LRRC4C: variants seen among roughly 807,000 people sequenced by gnomAD.
The protein encoded by LRRC4C is leucine-rich repeat-containing protein 4C.
A neutral mutation model predicts 33.6 loss-of-function variants in LRRC4C; 5 were observed. That is an observed-to-expected ratio of 0.15 (90% CI 0.08 to 0.31). The LOEUF is 0.31. Among genes scored for constraint, LRRC4C ranks in the 10% least tolerant of loss-of-function variants. The pLI is 1.00. For synonymous variants in LRRC4C, 329 were observed against 302.0 expected, an observed-to-expected ratio of 1.09 and a Z score of -0.93; for missense variants, 560 against 796.7, an observed-to-expected ratio of 0.70 and a Z score of 3.58.
At chr11:40,903,551 C>A (rs910725109) in intron 2 of LRRC4C, among the ~76,000 whole-genome samples, 12 of 152,016 alleles carry the variant, frequency 7.9e-5, no homozygotes, top group Admixed American at 3.3e-4. Flanking sequence ...ATTTTAGAAC[C>A]TTTTGAAAAG....
intron 1 of LRRC4C, among the ~76,000 whole-genome samples, chr11:41,112,355 G>C (rs1941881948): frequency 6.6e-6 from 1 of 152,066 alleles, no homozygotes; most frequent in African/African-American, 2.4e-5. Flanking sequence ...GCCCAAGATA[G>C]GAAAGCTCAG....
intron 3 of LRRC4C, among the ~76,000 whole-genome samples, chr11:40,536,028 A>T (rs531112980): frequency 6.6e-6 from 1 of 152,298 alleles, no homozygotes; most frequent in East Asian, 1.9e-4. Context: ...TGTAAGGCCC[A>T]TTATTATATG....
chr11:40,718,476 G>T (rs954834224), intron 2 of LRRC4C, among the ~76,000 whole-genome samples: 3 of 152,144 alleles, frequency 2.0e-5, no homozygotes, highest in Non-Finnish European at 2.9e-5. Flanking sequence ...CTGCTTTCAT[G>T]CAGACCAGCT....
intron 5 of LRRC4C, among the ~76,000 whole-genome samples, chr11:40,231,450 A>G (rs1865191675): frequency 8.0e-6 from 1 of 124,254 alleles, no homozygotes; most frequent in African/African-American, 2.5e-5. Context: ...ACATTAAATT[A>G]TCAACATATA....
intron 2 of LRRC4C, among the ~76,000 whole-genome samples, chr11:40,706,230 T>A (rs1420645726): frequency 6.6e-6 from 1 of 152,162 alleles, no homozygotes; most frequent in Non-Finnish European, 1.5e-5. Context: ...CCCATTTGTC[T>A]ATTTTGGCTT....
chr11:40,486,350 T>C (rs2138459200), intron 3 of LRRC4C, among the ~76,000 whole-genome samples: 1 of 152,104 alleles, frequency 6.6e-6, no homozygotes, highest in African/African-American at 2.4e-5. Flanking sequence ...GGAAATTATC[T>C]GATAAAGTTG....
chr11:40,306,493 C>T (rs181843850), intron 4 of LRRC4C, among the ~76,000 whole-genome samples: 31 of 152,318 alleles, frequency 2.0e-4, no homozygotes, highest in Non-Finnish European at 3.8e-4. Flanking sequence ...CTTTCATTCT[C>T]ACATGGACAA....
intron 1 of LRRC4C, among the ~76,000 whole-genome samples, chr11:41,396,638 T>C (rs558313145): frequency 1.3e-5 from 2 of 152,146 alleles, no homozygotes; most frequent in East Asian, 3.9e-4. Flanking sequence ...CAGGGGTAAA[T>C]GTGCAGGTTT....
intron 3 of LRRC4C, among the ~76,000 whole-genome samples, chr11:40,513,032 G>T (rs1178285674): frequency 2.0e-5 from 3 of 151,666 alleles, no homozygotes; most frequent in Non-Finnish European, 4.4e-5. Flanking sequence ...GGCAGATCAC[G>T]AGGTCAGGAG....
chr11:41,443,904 C>T (rs139142521), intron 1 of LRRC4C, among the ~76,000 whole-genome samples: 4,996 of 151,300 alleles, frequency 0.033, 269 homozygotes, highest in African/African-American at 0.11. Flanking sequence ...ATTACAGGTG[C>T]GAGCCACTGC....
At chr11:40,458,502 A>C (rs1952240228) in intron 3 of LRRC4C, among the ~76,000 whole-genome samples, 2 of 152,162 alleles carry the variant, frequency 1.3e-5, no homozygotes, top group Admixed American at 1.3e-4. Context: ...TTGCCACTGC[A>C]ACCATTCACC....
intron 1 of LRRC4C, among the ~76,000 whole-genome samples, chr11:41,450,103 A>C (rs1304219925): frequency 6.6e-6 from 1 of 152,142 alleles, no homozygotes; most frequent in African/African-American, 2.4e-5. Flanking sequence ...TCAACTCTTC[A>C]TGGTTGTGTT....
intron 3 of LRRC4C, among the ~76,000 whole-genome samples, chr11:40,329,963 T>C (rs1340745518): frequency 6.6e-6 from 1 of 151,876 alleles, no homozygotes; most frequent in Admixed American, 6.6e-5. Flanking sequence ...GGATGGTCTC[T>C]ATCTCCTGAC....
chr11:40,874,105 C>T (rs909525166), intron 2 of LRRC4C, among the ~76,000 whole-genome samples: 3 of 152,140 alleles, frequency 2.0e-5, no homozygotes, highest in African/African-American at 7.2e-5. Context: ...AGAAAATGCA[C>T]AATATTGGAA....
chr11:40,731,048 G>T (rs72896680), intron 2 of LRRC4C, among the ~76,000 whole-genome samples: 17,448 of 152,102 alleles, frequency 0.11, 1,460 homozygotes, highest in East Asian at 0.43. Flanking sequence ...GTCCGGGCGT[G>T]GTGGCTCACG....
intron 1 of LRRC4C, among the ~76,000 whole-genome samples, chr11:41,055,144 T>C (rs1858528103): frequency 6.6e-6 from 1 of 152,182 alleles, no homozygotes; most frequent in Non-Finnish European, 1.5e-5. Flanking sequence ...TGACTTATAA[T>C]ACCACAAATT....
chr11:40,679,138 G>T (rs553365276), intron 2 of LRRC4C, among the ~76,000 whole-genome samples: 15 of 152,326 alleles, frequency 9.8e-5, no homozygotes, highest in Middle Eastern at 3.4e-3. Flanking sequence ...GAGACTGGCA[G>T]CATTTTGCCC....
chr11:41,297,009 G>A (rs1053857656), intron 1 of LRRC4C, among the ~76,000 whole-genome samples: 1 of 152,092 alleles, frequency 6.6e-6, no homozygotes, highest in African/African-American at 2.4e-5. Flanking sequence ...TATAATGTTT[G>A]CTATGGTTTT....
chr11:41,126,265 AT>A (rs1942737978), intron 1 of LRRC4C, among the ~76,000 whole-genome samples: 1 of 152,036 alleles, frequency 6.6e-6, no homozygotes, highest in Non-Finnish European at 1.5e-5. Flanking sequence ...AATAAAAAAA[AT>A]AGCTTCAGGA....
Sources: gnomAD v4.1 joint callset for allele counts (sites outside exome capture counted in the v4.1 genomes callset) on GRCh38, gnomAD v4.1.1 for gene constraint, MANE v1.5 for transcripts, NCBI Gene and HGNC (gene_info 2026-07-23, HGNC 2026-07-21) for gene names.